Variants in UBE3A observed in about 807,000 individuals in gnomAD.
The protein encoded by UBE3A is ubiquitin-protein ligase E3A.
A neutral mutation model predicts 83.4 loss-of-function variants in UBE3A; 6 were observed. That is an observed-to-expected ratio of 0.07 (90% CI 0.04 to 0.14). UBE3A has a LOEUF of 0.14. UBE3A is among the 10% of genes least tolerant of loss of function. UBE3A has a pLI of 1.00. For synonymous variants in UBE3A, 337 were observed against 355.4 expected, an observed-to-expected ratio of 0.95 and a Z score of 0.58; for missense variants, 456 against 1,036.1, an observed-to-expected ratio of 0.44 and a Z score of 7.69.
At chr15:25,354,076 G>C (rs2076897693) in intron 11 of UBE3A, 5 of 498,316 alleles carry the variant, frequency 1.0e-5, no homozygotes, top group Non-Finnish European at 1.1e-5. Flanking sequence ...CTAACCAGCA[G>C]TAAGCATACT....
chr15:25,340,044 G>A (rs1238002343), intron 12 of UBE3A, 41 bp downstream of exon 12: 1 of 1,613,342 alleles, frequency 6.2e-7, no homozygotes, highest in Non-Finnish European at 8.5e-7. Flanking sequence ...GGAATGCAAG[G>A]TTTTCGGTAG....
intron 4 of UBE3A, 90 bp from the exon 5 acceptor site, chr15:25,375,853 G>C: frequency 6.9e-7 from 1 of 1,451,192 alleles, no homozygotes; most frequent in Non-Finnish European, 9.5e-7. Context: ...AGTTAGTCAA[G>C]CACTGAAGTG....
intron 11 of UBE3A, among the ~76,000 whole-genome samples, chr15:25,343,800 G>C (rs1015968290): frequency 1.3e-5 from 2 of 152,092 alleles, no homozygotes; most frequent in Non-Finnish European, 2.9e-5. Flanking sequence ...ACGACCAGCT[G>C]AGCAGCAAAA....
At chr15:25,345,663 G>A (rs1444766954) in intron 11 of UBE3A, 1 of 151,774 alleles carries the variant, frequency 6.6e-6, no homozygotes, top group Non-Finnish European at 1.5e-5. Context: ...ACATGAGAAT[G>A]GTGTCCCTAC....
At chr15:25,425,054 T>A (rs922596624) in intron 1 of UBE3A, among the ~76,000 whole-genome samples, 1 of 152,018 alleles carries the variant, frequency 6.6e-6, no homozygotes, top group African/African-American at 2.4e-5. Context: ...CAAAACAATT[T>A]TGAAAAAGAA....
At position 25,391,690 on chromosome 15, in the gene UBE3A, T is replaced by A. The variant is rs184660688; in HGVS notation, c.62+13771A>T. Reference sequence around the variant, plus strand: ...AGAGGGAATTGTAGCTGGAAGACAGTAGAAGAGCCATAGGACAAGTCTCTA... The same window carrying A: ...AGAGGGAATTGTAGCTGGAAGACAGAAGAAGAGCCATAGGACAAGTCTCTA... On this transcript the variant is annotated intron_variant, in intron 4 of 12. Transcript: ENST00000648336. 2.0e-5 allele frequency: 3 copies of A among 152,066 alleles called. No individual in the cohort carries two copies. In the East Asian group the frequency reaches 5.8e-4, roughly 29 times the overall value. The allele number at this position is 152,066 out of a possible 1,614,324, so 9.4% of individuals were successfully genotyped here. A position where few individuals can be genotyped will look rare whatever the true frequency, so the allele number is the denominator to read the frequency against.
intron 4 of UBE3A, among the ~76,000 whole-genome samples, chr15:25,404,049 T>C (rs748248591): frequency 5.3e-5 from 8 of 152,286 alleles, no homozygotes; most frequent in East Asian, 3.9e-4. Flanking sequence ...CTTAATACCA[T>C]TGAGCCAAAT....
intron 4 of UBE3A, among the ~76,000 whole-genome samples, chr15:25,382,128 C>T (rs1656868367): frequency 6.6e-6 from 1 of 152,056 alleles, no homozygotes; most frequent in Non-Finnish European, 1.5e-5. Context: ...ACCATCCTGG[C>T]TAACATGGTG....
intron 4 of UBE3A, among the ~76,000 whole-genome samples, chr15:25,403,829 A>T (rs2087771441): frequency 6.6e-6 from 1 of 152,224 alleles, no homozygotes; most frequent in South Asian, 2.1e-4. Context: ...TGACACTGCG[A>T]AGTAAAATAA....
chr15:25,382,455 ATC>A lies in UBE3A; in HGVS notation c.63-6694_63-6693del, dbSNP rs201820257. On this transcript the variant is annotated intron_variant, in intron 4 of 12. Coordinates refer to ENST00000648336, the MANE Select transcript of UBE3A (RefSeq NM_130839.5). The stretch of plus-strand genomic sequence containing the variant: ...TACATAATTCATCTGTAAAATGAAA[ATC>A]TGTTTTACAGTGTCATATTTCACAG... 7.2e-3 allele frequency among the ~76,000 whole-genome samples: 1,097 copies of A among 152,202 alleles called. 13 individuals carry two copies. The highest frequency in any genetic ancestry group is 0.025 in the African/African-American group (1,042 of 41,556).
intron 4 of UBE3A, among the ~76,000 whole-genome samples, chr15:25,404,384 T>C (rs1283172060): frequency 6.6e-6 from 1 of 152,138 alleles, no homozygotes; most frequent in Non-Finnish European, 1.5e-5. Context: ...TTTTTTATAT[T>C]ACCTGTATGA....
intron 3 of UBE3A, chr15:25,408,821 T>C (rs770608662): frequency 3.5e-6 from 3 of 852,390 alleles, no homozygotes; most frequent in Non-Finnish European, 3.4e-6. Flanking sequence ...ATAATGTTTA[T>C]AGTAAAATGT....
rs1306982756 is a variant in UBE3A, at chr15:25,384,459, C to CAAAA, written c.63-8700_63-8697dup. ...CTGGTGACAGAGTGAGACTCTGTCTCAAAAAAAAAAAAAAAAGAAAAAGAA... is the reference window on the plus strand; with the variant it reads ...CTGGTGACAGAGTGAGACTCTGTCTCAAAAAAAAAAAAAAAAAAAAGAAAAAGAA... On this transcript the variant is annotated intron_variant, in intron 4 of 12. Coordinates refer to ENST00000648336, the MANE Select transcript of UBE3A (RefSeq NM_130839.5). Among the ~76,000 whole-genome samples the CAAAA allele has an allele frequency of 2.4e-4, 17 of 70,158 alleles. 1 individual carries two copies. The highest frequency in any genetic ancestry group is 6.4e-4 in the African/African-American group (15 of 23,344). The allele number at this position is 70,158 out of a possible 152,430, so 46.0% of individuals were successfully genotyped here.
rs1354587000 is a variant in UBE3A, at chr15:25,356,787, G to A, written c.1863C>T (p.Tyr621=). 1.9e-6 allele frequency: 3 copies of A among 1,613,822 alleles called. No homozygotes were observed. The highest frequency in any genetic ancestry group is 2.2e-5 in the East Asian group (1 of 44,780). ...AATGTACATCCAGTATACAGTTATT[G>A]TAAATAGCCAGACCCAGTACTATGC... The part of the protein sequence containing the change: ...LIGIVLGLAI[Y]NNCILDVHFP... The change falls in exon 8 of 13, where the codon TAC becomes TAT. Residue 621 remains tyrosine, a synonymous_variant. Transcript: ENST00000648336.
intron 4 of UBE3A, among the ~76,000 whole-genome samples, chr15:25,389,205 C>T (rs1019542902): frequency 6.7e-6 from 1 of 149,346 alleles, no homozygotes; most frequent in Non-Finnish European, 1.5e-5. Flanking sequence ...AAAGGCAATA[C>T]AATGAAGAAA....
chr15:25,369,836 G>C (rs1379205838), intron 6 of UBE3A, among the ~76,000 whole-genome samples: 3 of 152,144 alleles, frequency 2.0e-5, no homozygotes, highest in African/African-American at 7.2e-5. Context: ...ACCCCATCTG[G>C]AAAACCAGGA....
Position 25,338,065 on chromosome 15 carries a change from A to G in UBE3A, c.*1072T>C, listed in dbSNP as rs1022369281. 2 of 152,152 alleles carry G rather than the reference A, an allele frequency of 1.3e-5. No individual in the cohort carries two copies. The highest frequency in any genetic ancestry group is 6.5e-5 in the Admixed American group (1 of 15,270). 9.4% of individuals were successfully genotyped at this position (152,152 alleles called of 1,614,324 possible). A position where few individuals can be genotyped will look rare whatever the true frequency, so the allele number is the denominator to read the frequency against. ...AGGCACAGTAGCCATCTTTTTCATT[A>G]TGTTGCAACACTGATCACGTGCCTC... On this transcript the variant is annotated 3_prime_UTR_variant, in exon 13 of 13. Coordinates refer to ENST00000648336, the MANE Select transcript of UBE3A (RefSeq NM_130839.5).
In UBE3A at chr15:25,419,825, T is replaced by C. The variant is rs554742249; in HGVS notation, c.-164-7854A>G. ...TTATACATTAAGAGGAATAATATTT[T>C]TGAAGGTAGATTGAGGTAAGTTAAA... On this transcript the variant is annotated intron_variant, in intron 1 of 12. Coordinates refer to ENST00000648336, the MANE Select transcript of UBE3A (RefSeq NM_130839.5). Among the ~76,000 whole-genome samples, 3 of 152,188 alleles carry C rather than the reference T, an allele frequency of 2.0e-5. No homozygotes were observed. The South Asian group carries it at 6.2e-4, about 32-fold the overall frequency.
At chr15:25,436,365 C>T (rs1895082015) in intron 1 of UBE3A, among the ~76,000 whole-genome samples, 1 of 152,134 alleles carries the variant, frequency 6.6e-6, no homozygotes, top group South Asian at 2.1e-4. Context: ...TAAGTCTAAA[C>T]AAAATATGTG....
Sources: gnomAD v4.1 joint callset for allele counts (sites outside exome capture counted in the v4.1 genomes callset) on GRCh38, gnomAD v4.1.1 for gene constraint, MANE v1.5 for transcripts, NCBI Gene and HGNC (gene_info 2026-07-23, HGNC 2026-07-21) for gene names.